The following STX6 variants were observed in gnomAD, a reference collection of about 807,000 sequenced individuals.
STX6 encodes the protein syntaxin-6.
Under a neutral mutation model 38.0 loss-of-function variants are expected in STX6, and 23 were observed. The observed-to-expected ratio is 0.60, with a 90% CI of 0.43 to 0.86. The LOEUF (loss-of-function observed/expected upper bound fraction) is 0.86, where lower values mean the gene tolerates loss of function less well. Among genes scored for constraint, STX6 ranks in the 40% least tolerant of loss-of-function variants. The probability of loss-of-function intolerance (pLI) is 0.00; values close to 1 mark genes in which losing one functional copy is unlikely to be tolerated. For synonymous variants in STX6, 123 were observed against 107.5 expected (o/e 1.14, Z -0.89); for missense variants, 274 against 312.9 (o/e 0.88, Z 0.94).
intron 1 of STX6, 131 bp from the exon 2 acceptor site, chr1:181,005,594 A>G (rs928418414): frequency 1.9e-5 from 15 of 793,724 alleles, no homozygotes; most frequent in Middle Eastern, 3.6e-4. Context: ...AAGGCTCTTC[A>G]CAGACAAATA....
At chr1:180,993,641 G>A (rs1364011121) in intron 3 of STX6, among the ~76,000 whole-genome samples, 1 of 152,068 alleles carries the variant, frequency 6.6e-6, no homozygotes, top group African/African-American at 2.4e-5. Flanking sequence ...ATTTGAATAG[G>A]AGGAAAGAGA....
chr1:181,007,441 T>C (rs1656257140), intron 1 of STX6, among the ~76,000 whole-genome samples: 1 of 152,192 alleles, frequency 6.6e-6, no homozygotes, highest in African/African-American at 2.4e-5. Flanking sequence ...GGAGGGCTGA[T>C]TGCATTGGTT....
At chr1:180,999,672 C>A (rs200495761) in intron 3 of STX6, among the ~76,000 whole-genome samples, 21 of 127,240 alleles carry the variant, frequency 1.7e-4, no homozygotes, top group Admixed American at 7.8e-4. Context: ...AAAAAAAAAA[C>A]CACAAAATGC....
chr1:180,982,170 A>G (rs1655436006), intron 7 of STX6, among the ~76,000 whole-genome samples: 3 of 152,200 alleles, frequency 2.0e-5, no homozygotes, highest in African/African-American at 7.2e-5. Flanking sequence ...TGTGCCTGTA[A>G]CTACTTAATC....
intron 6 of STX6, chr1:180,987,944 T>C: frequency 8.5e-6 from 2 of 234,502 alleles, no homozygotes; most frequent in South Asian, 1.2e-4. Flanking sequence ...CAGAGGCTTC[T>C]CTGTTTCATA....
At chr1:181,008,340 T>C (rs1656288866) in intron 1 of STX6, among the ~76,000 whole-genome samples, 2 of 152,160 alleles carry the variant, frequency 1.3e-5, no homozygotes, top group Admixed American at 1.3e-4. Flanking sequence ...CAGAAATGTT[T>C]GGGATTTTTT....
chr1:181,022,204 C>A (rs1222109330), intron 1 of STX6, among the ~76,000 whole-genome samples: 1 of 151,924 alleles, frequency 6.6e-6, no homozygotes, highest in African/African-American at 2.4e-5. Flanking sequence ...ATGGAGCTCA[C>A]CCCCGTCAAC....
At chr1:180,985,489 G>A (rs901764009) in intron 6 of STX6, among the ~76,000 whole-genome samples, 2 of 152,232 alleles carry the variant, frequency 1.3e-5, no homozygotes, top group South Asian at 4.1e-4. Flanking sequence ...GGCACTACGT[G>A]CTTTATTATA....
chr1:181,011,119 C>CAT (rs1368254388), intron 1 of STX6, among the ~76,000 whole-genome samples: 1 of 152,200 alleles, frequency 6.6e-6, no homozygotes, highest in African/African-American at 2.4e-5. Context: ...TGGCTTATTC[C>CAT]ATTCTAAAGC....
chr1:181,022,326 C>G (rs568727245), intron 1 of STX6, among the ~76,000 whole-genome samples: 11 of 152,314 alleles, frequency 7.2e-5, no homozygotes, highest in Middle Eastern at 3.4e-3. Flanking sequence ...CGCCAGGACC[C>G]GCGTGTCTCC....
At chr1:181,005,174 AAG>A in intron 2 of STX6, 118 bp downstream of exon 2, 2 of 1,505,970 alleles carry the variant, frequency 1.3e-6, no homozygotes, top group Non-Finnish European at 1.8e-6. Context: ...TGGTACAAGT[AAG>A]AGCAACAAAC....
intron 3 of STX6, 30 bp from the exon 4 acceptor site, chr1:180,993,455 GA>G: frequency 1.5e-6 from 2 of 1,339,216 alleles, no homozygotes; most frequent in Non-Finnish European, 1.1e-6. Context: ...GAAAACAAAT[GA>G]AAAATATCCT....
intron 5 of STX6, 88 bp from the exon 6 acceptor site, chr1:180,988,433 C>T: frequency 4.0e-6 from 4 of 1,006,730 alleles, no homozygotes; most frequent in Non-Finnish European, 6.1e-6. Flanking sequence ...AGTTTCTTTG[C>T]CAACTTGGGA....
chr1:180,981,013 G>A (rs1159158977), intron 7 of STX6, among the ~76,000 whole-genome samples: 1 of 152,182 alleles, frequency 6.6e-6, no homozygotes. Context: ...AGTAGTTTGG[G>A]GGTTGGGGGA....
intron 4 of STX6, among the ~76,000 whole-genome samples, chr1:180,992,940 A>C (rs1233212259): frequency 6.6e-6 from 1 of 152,234 alleles, no homozygotes; most frequent in Non-Finnish European, 1.5e-5. Context: ...CAAACAAACA[A>C]GAAACAAAAA....
intron 2 of STX6, among the ~76,000 whole-genome samples, chr1:181,004,094 C>G (rs781417746): frequency 6.6e-6 from 1 of 152,156 alleles, no homozygotes; most frequent in Non-Finnish European, 1.5e-5. Flanking sequence ...AAACTCTTTA[C>G]CTGTATAATC....
chr1:180,981,740 T>C (rs375779807), intron 7 of STX6, among the ~76,000 whole-genome samples: 28 of 152,298 alleles, frequency 1.8e-4, no homozygotes, highest in African/African-American at 6.7e-4. Context: ...CTACGAAGCA[T>C]GAACTAGGTA....
chr1:181,007,998 T>A (rs1353631190), intron 1 of STX6, among the ~76,000 whole-genome samples: 1 of 152,196 alleles, frequency 6.6e-6, no homozygotes, highest in Non-Finnish European at 1.5e-5. Flanking sequence ...TAGAAGCATA[T>A]GATGAGAATC....
At chr1:181,022,514 T>C in intron 1 of STX6, 125 bp downstream of exon 1, 2 of 948,824 alleles carry the variant, frequency 2.1e-6, no homozygotes, top group Non-Finnish European at 3.3e-6. Context: ...GACTAAGCCG[T>C]CTCCACTGTT....
Sources: gnomAD v4.1 joint callset for allele counts (sites outside exome capture counted in the v4.1 genomes callset) on GRCh38, gnomAD v4.1.1 for gene constraint, MANE v1.5 for transcripts, NCBI Gene and HGNC (gene_info 2026-07-23, HGNC 2026-07-21) for gene names.